Variants in HCN1 observed in about 807,000 individuals in gnomAD.
The protein encoded by HCN1 is potassium/sodium hyperpolarization-activated cyclic nucleotide-gated channel 1.
A neutral mutation model predicts 78.9 loss-of-function variants in HCN1; 13 were observed. That is an observed-to-expected ratio of 0.16 (90% CI 0.11 to 0.26). The LOEUF is 0.26. HCN1 is among the 10% of genes least tolerant of loss of function. The pLI is 1.00. For synonymous variants in HCN1, 552 were observed against 455.5 expected (o/e 1.21, Z -2.70); for missense variants, 810 against 1,154.3 (o/e 0.70, Z 4.32).
chr5:45,539,955 T>C (rs1486963901), intron 2 of HCN1, among the ~76,000 whole-genome samples: 1 of 100,952 alleles, frequency 9.9e-6, no homozygotes, highest in East Asian at 3.3e-4. Flanking sequence ...TATATATATA[T>C]ATATAAAATG....
In HCN1 at chr5:45,696,069, A is replaced by C; in HGVS notation, c.25T>G (p.Ser9Ala). Residue 9 changes from serine to alanine, a missense_variant, in exon 1 of 8, where the codon TCT (serine) becomes GCT (alanine). Ser to Ala is a moderately conservative substitution (Grantham distance 99). Coordinates refer to ENST00000303230, the MANE Select transcript of HCN1 (RefSeq NM_021072.4). MEGGGKPN[S>A]SSNSRDDGNS... ...CCATCGTCCCGGCTGTTAGACGAAG[A>C]GTTGGGCTTGCCGCCTCCTTCCATG... 1.5e-6 allele frequency: 2 copies of C among 1,351,470 alleles called. No individual in the cohort carries two copies. Among genetic ancestry groups the C allele is most frequent in the Non-Finnish European group, 1.9e-6 (2 of 1,041,086 alleles). 83.7% of individuals were successfully genotyped at this position (1,351,470 alleles called of 1,614,324 possible). A position where few individuals can be genotyped will look rare whatever the true frequency, so the allele number is the denominator to read the frequency against.
At chr5:45,550,945 A>C (rs375788449) in intron 2 of HCN1, among the ~76,000 whole-genome samples, 12 of 151,934 alleles carry the variant, frequency 7.9e-5, no homozygotes, top group Non-Finnish European at 1.5e-4. Flanking sequence ...ATTTCTATGG[A>C]TTTTGCATTT....
At chr5:45,560,103 A>C (rs1297971520) in intron 2 of HCN1, 3 of 152,168 alleles carry the variant, frequency 2.0e-5, no homozygotes, top group Non-Finnish European at 2.9e-5. Flanking sequence ...GTGTACACGT[A>C]ACTTTTTTAT....
At chr5:45,300,273 C>T (rs1745584104) in intron 6 of HCN1, among the ~76,000 whole-genome samples, 1 of 151,938 alleles carries the variant, frequency 6.6e-6, no homozygotes, top group Non-Finnish European at 1.5e-5. Context: ...CCAAACCTGG[C>T]CTATACATAT....
chr5:45,287,890 C>A (rs1188745650), intron 6 of HCN1, among the ~76,000 whole-genome samples: 1 of 152,068 alleles, frequency 6.6e-6, no homozygotes, highest in Non-Finnish European at 1.5e-5. Flanking sequence ...TACACTGGCC[C>A]TTTCGCTTAT....
rs759408275 is a variant in HCN1, at chr5:45,262,305, C to T, written c.2289G>A (p.Pro763=). 4.3e-6 allele frequency: 7 copies of T among 1,613,918 alleles called. No individual in the cohort carries two copies. In the South Asian group the frequency reaches 5.5e-5, roughly 13 times the overall value. ...PQPQTPGSST[P]KNEVHKSTQA... ...GCGTGCTCTTGTGCACTTCATTTTT[C>T]GGCGTGGAGCTGCCAGGTGTCTGTG... The change falls in exon 8 of 8, where the codon CCG becomes CCA. Residue 763 remains proline (P), a synonymous_variant. Coordinates refer to ENST00000303230, the MANE Select transcript of HCN1 (RefSeq NM_021072.4).
At chr5:45,645,877 C>T (rs533683771) in intron 1 of HCN1, among the ~76,000 whole-genome samples, 1 of 151,806 alleles carries the variant, frequency 6.6e-6, no homozygotes, top group African/African-American at 2.4e-5. Context: ...CATTCATACC[C>T]CCATTTATTT....
At chr5:45,429,178 T>C (rs1740413804) in intron 3 of HCN1, among the ~76,000 whole-genome samples, 1 of 152,212 alleles carries the variant, frequency 6.6e-6, no homozygotes, top group East Asian at 1.9e-4. Flanking sequence ...ATGATGGCAA[T>C]GACAATCTCA....
intron 2 of HCN1, among the ~76,000 whole-genome samples, chr5:45,607,894 A>C (rs2111973808): frequency 6.6e-6 from 1 of 151,946 alleles, no homozygotes; most frequent in African/African-American, 2.4e-5. Flanking sequence ...TGTGCAACAG[A>C]CATTAAAATA....
chr5:45,552,455 T>C (rs1434727602), intron 2 of HCN1, among the ~76,000 whole-genome samples: 2 of 151,992 alleles, frequency 1.3e-5, no homozygotes, highest in Non-Finnish European at 2.9e-5. Context: ...AAAAAACTTA[T>C]CATGTCCACA....
chr5:45,695,659 G>C lies in HCN1; in HGVS notation c.425+10C>G, dbSNP rs1345138151. On this transcript the variant is annotated intron_variant, in intron 1 of 7. Transcript: ENST00000303230. Reference sequence around the variant, plus strand: ...GAAGGGAGGGTGGGGCGGCGACCGGGAGCCCTCACCTGAAATCACTGTAAG... The same window carrying C: ...GAAGGGAGGGTGGGGCGGCGACCGGCAGCCCTCACCTGAAATCACTGTAAG... 2 of 1,610,958 alleles carry C rather than the reference G, an allele frequency of 1.2e-6. No homozygotes were observed. The highest frequency in any genetic ancestry group is 1.7e-6 in the Non-Finnish European group (2 of 1,178,914).
intron 4 of HCN1, among the ~76,000 whole-genome samples, chr5:45,391,007 G>C (rs1445819077): frequency 6.6e-6 from 1 of 152,020 alleles, no homozygotes; most frequent in Non-Finnish European, 1.5e-5. Flanking sequence ...AGAACGTTTG[G>C]CTCTACTACC....
chr5:45,413,605 C>T (rs929887935), intron 3 of HCN1, among the ~76,000 whole-genome samples: 128 of 151,788 alleles, frequency 8.4e-4, no homozygotes, highest in African/African-American at 3.1e-3. Context: ...GGGCTGTCAA[C>T]AAAATTTAGG....
chr5:45,672,248 C>T (rs1852594), intron 1 of HCN1, among the ~76,000 whole-genome samples: 2 of 151,624 alleles, frequency 1.3e-5, no homozygotes, highest in African/African-American at 4.8e-5. Context: ...CAAAGGCTGT[C>T]TTAATTATTA....
At chr5:45,564,238 T>C (rs1265414386) in intron 2 of HCN1, among the ~76,000 whole-genome samples, 1 of 151,950 alleles carries the variant, frequency 6.6e-6, no homozygotes, top group African/African-American at 2.4e-5. Flanking sequence ...AACAAGGAAA[T>C]TAAATGTGGG....
At chr5:45,482,920 G>A (rs1201515398) in intron 2 of HCN1, among the ~76,000 whole-genome samples, 1 of 152,114 alleles carries the variant, frequency 6.6e-6, no homozygotes, top group Non-Finnish European at 1.5e-5. Flanking sequence ...CAACTATGTT[G>A]CTGCAAAACA....
intron 3 of HCN1, among the ~76,000 whole-genome samples, chr5:45,454,807 G>A (rs998536829): frequency 6.6e-6 from 1 of 151,884 alleles, no homozygotes; most frequent in Non-Finnish European, 1.5e-5. Context: ...ATAATTGTCC[G>A]GGTTTCTATA....
rs1487025237 is a variant in HCN1 at position 45,415,987 on chromosome 5, A to G, written c.1012-19277T>C. Among the ~76,000 whole-genome samples, 3 of 152,002 alleles carry G rather than the reference A, an allele frequency of 2.0e-5. No homozygotes were observed. The East Asian group carries it at 5.8e-4, about 29-fold the overall frequency. On this transcript the variant is annotated intron_variant, in intron 3 of 7. Coordinates refer to ENST00000303230, the MANE Select transcript of HCN1 (RefSeq NM_021072.4). ...CAGATGTCTTCATCTGAGCCACAAA[A>G]GAAACCAGTATCTCTCCTTAAGATT...
chr5:45,460,434 C>T (rs1185935747), intron 3 of HCN1, among the ~76,000 whole-genome samples: 2 of 152,044 alleles, frequency 1.3e-5, no homozygotes, highest in African/African-American at 2.4e-5. Context: ...TTATAAATTA[C>T]CCAGTCCATA....
Sources: allele counts gnomAD v4.1 joint callset (sites outside exome capture counted in the v4.1 genomes callset), GRCh38; gene constraint gnomAD v4.1.1; transcripts MANE v1.5; gene names NCBI Gene and HGNC (gene_info 2026-07-23, HGNC 2026-07-21).